The following CYTH4 variants were observed in gnomAD, a reference collection of about 807,000 sequenced individuals.
CYTH4 encodes the protein cytohesin 4, also known as cytohesin-4.
In CYTH4, 22 loss-of-function variants were observed where a neutral mutation model predicts 57.5. The observed-to-expected ratio is 0.38, with a 90% CI of 0.27 to 0.55. The LOEUF is 0.55. CYTH4 is among the 20% of genes least tolerant of loss of function. The probability of loss-of-function intolerance (pLI) is 0.74; values close to 1 mark genes in which losing one functional copy is unlikely to be tolerated. For synonymous variants in CYTH4, 186 were observed against 206.5 expected (o/e 0.90, Z 0.85); for missense variants, 420 against 535.6 (o/e 0.78, Z 2.13).
At position 37,311,995 on chromosome 22, in the gene CYTH4, C is replaced by T; in HGVS notation, c.958-25C>T. The T allele has an allele frequency of 1.2e-6, 2 of 1,606,508 alleles. No individual in the cohort carries two copies. Among genetic ancestry groups the T allele is most frequent in the East Asian group, 2.2e-5 (1 of 44,694 alleles). On this transcript the variant is annotated intron_variant, in intron 11 of 12. Transcript: ENST00000248901. The surrounding 1 kb of genome is among the most constrained non-coding windows in gnomAD (Gnocchi z 4.4). ...CCCACCCAGCCTCCCTCTCTTCCCACCCTTGCCTGGCCACCTCCCCACAGT... is the reference window on the plus strand; with the variant it reads ...CCCACCCAGCCTCCCTCTCTTCCCATCCTTGCCTGGCCACCTCCCCACAGT...
intron 7 of CYTH4, 58 bp from the exon 8 acceptor site, chr22:37,303,196 G>A (rs777514124): frequency 1.0e-4 from 168 of 1,602,452 alleles, no homozygotes; most frequent in Admixed American, 1.9e-4. Flanking sequence ...GGAAGGGGCC[G>A]GGACAGAGGC....
chr22:37,285,504 G>A (rs929567510), intron 1 of CYTH4, among the ~76,000 whole-genome samples: 3 of 152,174 alleles, frequency 2.0e-5, no homozygotes, highest in East Asian at 1.9e-4. Context: ...TCAGGAGATC[G>A]AGACCAACCT....
In CYTH4 at chr22:37,312,039, A is replaced by G; in HGVS notation, c.977A>G (p.Asn326Ser). Residue 326 changes from asparagine to serine, a missense_variant, in exon 12 of 13, where the codon AAC becomes AGC. Physicochemically the swap from Asn to Ser is conservative, Grantham distance 46 (BLOSUM62 1). Coordinates refer to ENST00000248901, the MANE Select transcript of CYTH4 (RefSeq NM_013385.5). ...PKKPFCLELY[N>S]PSCRGQKIKA... The stretch of plus-strand genomic sequence containing the variant: ...CCACAGTTCTGCCTGGAGCTCTACA[A>G]CCCTAGCTGCCGAGGCCAGAAAATC... 1 of 1,613,646 alleles carries G rather than the reference A, an allele frequency of 6.2e-7. No homozygotes were observed. Among genetic ancestry groups the G allele is most frequent in the South Asian group, 1.1e-5 (1 of 91,050 alleles).
intron 8 of CYTH4, among the ~76,000 whole-genome samples, chr22:37,307,331 C>A (rs1929437710): frequency 6.6e-6 from 1 of 152,174 alleles, no homozygotes; most frequent in South Asian, 2.1e-4. Context: ...CCCCCGTCTG[C>A]CCCCCTGCAC....
intron 8 of CYTH4, chr22:37,304,195 G>A (rs932146164): frequency 1.1e-5 from 5 of 456,630 alleles, no homozygotes; most frequent in Non-Finnish European, 2.2e-5. Flanking sequence ...GCTCCCAGAG[G>A]AGAAGCCGGG....
Position 37,311,073 on chromosome 22 carries a change from G to T in CYTH4, c.885+9G>T. ...ACTTCGAGTTCACCACTGTGAGCAG[G>T]GTTCTCCTGGGCCTTCCCCTGCCCC... On this transcript the variant is annotated intron_variant, in intron 10 of 12. Coordinates refer to ENST00000248901, the MANE Select transcript of CYTH4 (RefSeq NM_013385.5). This position sits in a 1 kb window ranked among gnomAD's most constrained non-coding sequence, Gnocchi z 4.4. The T allele has an allele frequency of 1.2e-6, 2 of 1,614,032 alleles. No individual in the cohort carries two copies. Among genetic ancestry groups the T allele is most frequent in the Non-Finnish European group, 1.7e-6 (2 of 1,179,918 alleles).
intron 6 of CYTH4, chr22:37,300,030 C>T (rs1929122294): frequency 4.2e-6 from 3 of 716,794 alleles, no homozygotes; most frequent in Non-Finnish European, 7.8e-6. Context: ...CCAGTTTCCT[C>T]ATCCGTAGAA....
At chr22:37,296,289 G>C in intron 4 of CYTH4, 1 of 581,586 alleles carries the variant, frequency 1.7e-6, no homozygotes, top group South Asian at 2.0e-5. Flanking sequence ...CAGGAGCATG[G>C]AGGAGGCCAC....
chr22:37,282,804 A>G (rs1473502809), intron 1 of CYTH4, among the ~76,000 whole-genome samples: 3 of 152,202 alleles, frequency 2.0e-5, no homozygotes, highest in Admixed American at 2.0e-4. Flanking sequence ...TTCCCCCTTC[A>G]TAGGCTTGTG....
intron 1 of CYTH4, among the ~76,000 whole-genome samples, chr22:37,284,242 T>C (rs1367803624): frequency 6.6e-6 from 1 of 152,298 alleles, no homozygotes; most frequent in Middle Eastern, 3.4e-3. Context: ...TCATTCACTC[T>C]ACAAACGACC....
intron 8 of CYTH4, among the ~76,000 whole-genome samples, chr22:37,308,066 C>T (rs1929465774): frequency 6.6e-6 from 1 of 152,224 alleles, no homozygotes; most frequent in South Asian, 2.1e-4. Flanking sequence ...CCCGGCCCAT[C>T]CAGCATAGGT....
At position 37,300,074 on chromosome 22, in the gene CYTH4, G is replaced by T. The variant is rs568079461; in HGVS notation, c.434+768G>T. ...ATAATAGTACCAACTTCACAGGGTT[G>T]TGAAGACTAAATGGGAAAGTGTTTA... is the stretch of plus-strand genomic sequence containing the variant. On this transcript the variant is annotated intron_variant, in intron 6 of 12. Coordinates refer to ENST00000248901, the MANE Select transcript of CYTH4 (RefSeq NM_013385.5). 5.6e-6 allele frequency: 4 copies of T among 717,540 alleles called. No homozygotes were observed. In the East Asian group the frequency reaches 1.1e-4, roughly 19 times the overall value. The allele number at this position is 717,540 out of a possible 1,614,324, so 44.4% of individuals were successfully genotyped here.
chr22:37,301,567 G>A (rs1463089881), intron 7 of CYTH4, among the ~76,000 whole-genome samples: 3 of 151,980 alleles, frequency 2.0e-5, no homozygotes, highest in East Asian at 3.9e-4. Context: ...CAGGGTGGGC[G>A]AGGGACCATC....
chr22:37,300,283 G>A (rs1249188664), intron 6 of CYTH4: 1 of 713,636 alleles, frequency 1.4e-6, no homozygotes, highest in Non-Finnish European at 2.6e-6. Context: ...TAGGTGACTT[G>A]GGAGTCTCCC....
At position 37,300,349 on chromosome 22, in the gene CYTH4, C is replaced by T. The variant is rs1929135173; in HGVS notation, c.435-558C>T. Reference sequence around the variant, plus strand: ...ATTCATTCATTCATTCACTTATTTACTGAGCCTTTGCTAGGTGCCCAGGAC... The same window carrying T: ...ATTCATTCATTCATTCACTTATTTATTGAGCCTTTGCTAGGTGCCCAGGAC... On this transcript the variant is annotated intron_variant, in intron 6 of 12. Coordinates refer to ENST00000248901, the MANE Select transcript of CYTH4 (RefSeq NM_013385.5). 4 of 679,314 alleles carry T rather than the reference C, an allele frequency of 5.9e-6. No homozygotes were observed. In the East Asian group the frequency reaches 8.2e-5, roughly 14 times the overall value. 42.1% of individuals were successfully genotyped at this position (679,314 alleles called of 1,614,324 possible).
chr22:37,296,268 G>A, intron 4 of CYTH4: 1 of 601,874 alleles, frequency 1.7e-6, no homozygotes, highest in Non-Finnish European at 2.9e-6. Context: ...ACGCCTTGGG[G>A]CAGGAGGAGC....
At chr22:37,294,498 C>G (rs1434438788) in intron 2 of CYTH4, among the ~76,000 whole-genome samples, 162 bp from the exon 3 acceptor site, 1 of 151,980 alleles carries the variant, frequency 6.6e-6, no homozygotes, top group Non-Finnish European at 1.5e-5. Context: ...GGGGACCTGT[C>G]CATGGAGGGT....
Position 37,311,681 on chromosome 22 carries a change from G to A in CYTH4, c.957+154G>A. On this transcript the variant is annotated intron_variant, in intron 11 of 12. Transcript: ENST00000248901. This position sits in a 1 kb window ranked among gnomAD's most constrained non-coding sequence, Gnocchi z 4.4. ...CTCAGGGCTGCCTTCTCTCCCTCCT[G>A]GGGCCATGGACAGTGAGAAAAGGTC... 2.6e-6 allele frequency: 2 copies of A among 773,422 alleles called. No homozygotes were observed. Among genetic ancestry groups the A allele is most frequent in the Non-Finnish European group, 4.2e-6 (2 of 470,804 alleles). 47.9% of individuals were successfully genotyped at this position (773,422 alleles called of 1,614,324 possible).
Position 37,311,480 on chromosome 22 carries a change from C to A in CYTH4, c.910C>A (p.Pro304Thr). 2 of 1,614,116 alleles carry A rather than the reference C, an allele frequency of 1.2e-6. No individual in the cohort carries two copies. The highest frequency in any genetic ancestry group is 1.7e-6 in the Non-Finnish European group (2 of 1,180,022). Residue 304 changes from proline (P) to threonine (T), a missense_variant, in exon 11 of 13, where the codon CCT becomes ACT. Pro to Thr is a conservative substitution (Grantham distance 38). Coordinates refer to ENST00000248901, the MANE Select transcript of CYTH4 (RefSeq NM_013385.5). This position sits in a 1 kb window ranked among gnomAD's most constrained non-coding sequence, Gnocchi z 4.4. ...GGACAAGGAGCCACGGGGAATTATA[C>A]CTCTTGAGAACCTCTCGGTGCAGAA... is the stretch of plus-strand genomic sequence containing the variant. Reference protein sequence around the residue: ...TTDKEPRGIIPLENLSVQKVD... With the variant: ...TTDKEPRGIITLENLSVQKVD...
Sources: gnomAD v4.1 joint callset for allele counts (sites outside exome capture counted in the v4.1 genomes callset) on GRCh38, gnomAD v4.1.1 for gene constraint, Gnocchi (gnomAD v3.1) non-coding constraint, MANE v1.5 for transcripts, NCBI Gene and HGNC (gene_info 2026-07-23, HGNC 2026-07-21) for gene names.